The following RTL4 variants were observed in gnomAD, a reference collection of about 807,000 sequenced individuals.
RTL4 encodes the protein retrotransposon Gag like 4.
In RTL4, 4 loss-of-function variants were observed where a neutral mutation model predicts 5.3. The observed-to-expected ratio is 0.75, with a 90% CI of 0.37 to 1.72. The LOEUF (loss-of-function observed/expected upper bound fraction) is 1.72. RTL4 is among the 40% of genes most tolerant of loss of function. The pLI, the probability that RTL4 is intolerant of heterozygous loss-of-function variation, is 0.04. For synonymous variants in RTL4, 98 were observed against 87.3 expected, an observed-to-expected ratio of 1.12 and a Z score of -0.68; for missense variants, 260 against 227.1, an observed-to-expected ratio of 1.14 and a Z score of -0.93.
At chrX:112,409,980 A>G in the RTL4 span, among the ~76,000 whole-genome samples, 5 of 111,612 alleles carry the variant, frequency 4.5e-5, no homozygotes. Flanking sequence ...ATTGTCTACA[A>G]GAATAACACT....
chrX:112,296,237 C>T, the RTL4 span, among the ~76,000 whole-genome samples: 27,269 of 110,399 alleles, frequency 0.25, 2,801 homozygotes, highest in African/African-American at 0.35. Flanking sequence ...AGTTCACCAA[C>T]CCTGTTATTC....
the RTL4 span, among the ~76,000 whole-genome samples, chrX:112,169,581 C>T: frequency 9.0e-6 from 1 of 111,667 alleles, no homozygotes; most frequent in Non-Finnish European, 1.9e-5. Flanking sequence ...GGACCTTGGG[C>T]TGAGGGATCA....
chrX:112,167,801 T>C, the RTL4 span, among the ~76,000 whole-genome samples: 1 of 110,237 alleles, frequency 9.1e-6, no homozygotes, highest in African/African-American at 3.3e-5. Context: ...AAAATAGCTT[T>C]GTTGATGTCA....
chrX:112,310,407 TATATATA>T, the RTL4 span, among the ~76,000 whole-genome samples: 2 of 21,796 alleles, frequency 9.2e-5, no homozygotes, highest in African/African-American at 3.5e-4. Flanking sequence ...TATATATATA[TATATATA>T]TTTAATATAA....
At chrX:112,117,954 C>T in the RTL4 span, among the ~76,000 whole-genome samples, 1 of 110,955 alleles carries the variant, frequency 9.0e-6, no homozygotes, top group Non-Finnish European at 1.9e-5. Context: ...CAGTAGAGGA[C>T]TGTCTAGGCA....
chrX:112,190,961 C>T, the RTL4 span, among the ~76,000 whole-genome samples: 10,411 of 111,782 alleles, frequency 0.093, 1,194 homozygotes, highest in African/African-American at 0.32. Context: ...TCCACTCAAA[C>T]AGAAAAATCC....
chrX:112,122,738 T>A, the RTL4 span, among the ~76,000 whole-genome samples: 1 of 111,179 alleles, frequency 9.0e-6, no homozygotes, highest in Non-Finnish European at 1.9e-5. Flanking sequence ...AACAAAACTA[T>A]TTTTTCTAAG....
the RTL4 span, among the ~76,000 whole-genome samples, chrX:112,198,268 C>G: frequency 3.6e-5 from 4 of 111,644 alleles, no homozygotes; most frequent in East Asian, 8.5e-4. Context: ...CTCTCTCTCC[C>G]CACTAGTATA....
the RTL4 span, among the ~76,000 whole-genome samples, chrX:112,143,678 G>C: frequency 2.7e-5 from 3 of 111,614 alleles, no homozygotes; most frequent in African/African-American, 9.8e-5. Flanking sequence ...ATTTCTTAAA[G>C]CTTGGTAAGA....
chrX:112,207,466 G>T, the RTL4 span, among the ~76,000 whole-genome samples: 2,319 of 111,547 alleles, frequency 0.021, 62 homozygotes, highest in African/African-American at 0.071. Context: ...TGAAAAATTT[G>T]TTTCAAAATG....
At chrX:112,322,346 G>A in the RTL4 span, among the ~76,000 whole-genome samples, 10 of 90,148 alleles carry the variant, frequency 1.1e-4, no homozygotes, top group South Asian at 4.1e-4. Context: ...AAGGTAAGGC[G>A]CTTTTCATTT....
the RTL4 span, among the ~76,000 whole-genome samples, chrX:112,436,783 A>C: frequency 9.1e-6 from 1 of 110,199 alleles, no homozygotes; most frequent in Non-Finnish European, 1.9e-5. Flanking sequence ...TTTCAGTCTG[A>C]CTCTTCAGTC....
chrX:112,233,431 A>G, the RTL4 span, among the ~76,000 whole-genome samples: 7 of 110,173 alleles, frequency 6.4e-5, no homozygotes, highest in Admixed American at 4.8e-4. Context: ...GAGTCCTATT[A>G]TAGCCCTTGA....
At chrX:112,438,839 G>A in the RTL4 span, among the ~76,000 whole-genome samples, 54 of 112,190 alleles carry the variant, frequency 4.8e-4, no homozygotes, top group African/African-American at 1.7e-3. Flanking sequence ...GACCAGAGGA[G>A]CCATTCAACT....
At chrX:112,093,401 G>A in the RTL4 span, among the ~76,000 whole-genome samples, 2 of 111,707 alleles carry the variant, frequency 1.8e-5, no homozygotes, top group Middle Eastern at 9.1e-3. Flanking sequence ...GTTAAGGTAT[G>A]TTGAACTTCT....
chrX:112,350,061 T>G, the RTL4 span, among the ~76,000 whole-genome samples: 2 of 110,193 alleles, frequency 1.8e-5, no homozygotes, highest in African/African-American at 6.6e-5. Context: ...TTATTGAGAG[T>G]TTTTAGCATG....
At chrX:112,160,130 G>A in the RTL4 span, among the ~76,000 whole-genome samples, 2 of 112,142 alleles carry the variant, frequency 1.8e-5, no homozygotes, top group Non-Finnish European at 1.9e-5. Context: ...TTAGTGTTGC[G>A]GCAGAATCTG....
chrX:112,422,877 C>T, the RTL4 span, among the ~76,000 whole-genome samples: 1 of 111,044 alleles, frequency 9.0e-6, no homozygotes, highest in East Asian at 2.8e-4. Flanking sequence ...TGAGCCTCAG[C>T]TTTCCCATCT....
At chrX:112,399,972 A>G in the RTL4 span, among the ~76,000 whole-genome samples, 1 of 111,385 alleles carries the variant, frequency 9.0e-6, no homozygotes, top group South Asian at 3.8e-4. Context: ...ATCTGCTGTC[A>G]TTTTTATAAT....
Sources: gnomAD v4.1 joint callset for allele counts (sites outside exome capture counted in the v4.1 genomes callset) on GRCh38, gnomAD v4.1.1 for gene constraint, MANE v1.5 for transcripts, NCBI Gene and HGNC (gene_info 2026-07-23, HGNC 2026-07-21) for gene names.